SATB2: variants seen among roughly 807,000 people sequenced by gnomAD.
The protein encoded by SATB2 is SATB homeobox 2, also known as DNA-binding protein SATB2.
In SATB2, 1 loss-of-function variant was observed where a neutral mutation model predicts 73.4. The observed-to-expected ratio is 0.01, with a 90% CI of 0.00 to 0.06. The LOEUF is 0.06. SATB2 is among the 10% of genes least tolerant of loss of function. SATB2 has a pLI of 1.00. For missense variants in SATB2, 459 were observed against 945.8 expected, an observed-to-expected ratio of 0.49 and a Z score of 6.75; for synonymous variants, 397 against 367.0, an observed-to-expected ratio of 1.08 and a Z score of -0.93.
Position 199,455,898 on chromosome 2 carries a change from G to A in SATB2, c.140C>T (p.Pro47Leu), listed in dbSNP as rs1692259118. The A allele has an allele frequency of 1.3e-6, 2 of 1,538,042 alleles. No homozygotes were observed. The highest frequency in any genetic ancestry group is 1.2e-5 in the South Asian group (1 of 84,094). ...NGSPMGARGR[P>L]NGAVAKAVGG... The stretch of plus-strand genomic sequence containing the variant: ...CACGGCCTTGGCCACGGCGCCGTTG[G>A]GCCTCCCGCGGGCTCCCATGGGGCT... Residue 47 changes from proline (P) to leucine (L), a missense_variant, in exon 2 of 11, where the codon CCC becomes CTC. Pro to Leu is a moderately conservative substitution (Grantham distance 98). Transcript: ENST00000417098. This position sits in a 1 kb window ranked among gnomAD's most constrained non-coding sequence, Gnocchi z 4.1.
intron 2 of SATB2, among the ~76,000 whole-genome samples, chr2:199,444,835 T>C (rs1574635590): frequency 1.3e-5 from 2 of 152,172 alleles, no homozygotes; most frequent in Non-Finnish European, 2.9e-5. Flanking sequence ...TTCTATAAGT[T>C]CATTTATTTT....
chr2:199,376,448 T>C (rs912120357), intron 5 of SATB2, among the ~76,000 whole-genome samples: 2 of 152,192 alleles, frequency 1.3e-5, no homozygotes, highest in Non-Finnish European at 2.9e-5. Context: ...ATGGGACCTT[T>C]GGCAACATCT....
chr2:199,404,541 A>C (rs1198110896), intron 3 of SATB2, among the ~76,000 whole-genome samples: 4 of 152,202 alleles, frequency 2.6e-5, no homozygotes, highest in Non-Finnish European at 5.9e-5. Context: ...GAGATTATTC[A>C]TTTACCATAT....
chr2:199,321,723 T>C (rs545717916), intron 9 of SATB2, among the ~76,000 whole-genome samples: 2 of 152,148 alleles, frequency 1.3e-5, no homozygotes, highest in African/African-American at 4.8e-5. Context: ...TTTTGTTAAA[T>C]TGCCTTTGAA....
intron 3 of SATB2, among the ~76,000 whole-genome samples, chr2:199,382,794 T>C (rs1689818754): frequency 6.6e-6 from 1 of 152,154 alleles, no homozygotes; most frequent in African/African-American, 2.4e-5. Flanking sequence ...ATGTCAGAAA[T>C]TGCCACACAT....
At chr2:199,294,872 T>G (rs147162590) in intron 10 of SATB2, among the ~76,000 whole-genome samples, 1 of 152,350 alleles carries the variant, frequency 6.6e-6, no homozygotes, top group East Asian at 1.9e-4. Context: ...ATCATAGATT[T>G]TAGCTCCCTA....
chr2:199,408,523 A>G (rs921362540), intron 3 of SATB2, among the ~76,000 whole-genome samples: 3 of 152,148 alleles, frequency 2.0e-5, no homozygotes, highest in Non-Finnish European at 2.9e-5. Context: ...GAGCAACCAG[A>G]TACAAGGGGG....
At chr2:199,284,633 T>C (rs10445789) in intron 10 of SATB2, among the ~76,000 whole-genome samples, 20,797 of 152,148 alleles carry the variant, frequency 0.14, 1,641 homozygotes, top group African/African-American at 0.2. Context: ...TGCAAAAGTA[T>C]ATAAAACATT....
chr2:199,451,228 C>A (rs1692113892), intron 2 of SATB2, among the ~76,000 whole-genome samples: 1 of 151,912 alleles, frequency 6.6e-6, no homozygotes, highest in South Asian at 2.1e-4. Flanking sequence ...AAATTATGCT[C>A]AGGACTTTGA....
intron 7 of SATB2, among the ~76,000 whole-genome samples, chr2:199,334,052 T>C (rs113886771): frequency 6.6e-6 from 1 of 152,138 alleles, no homozygotes; most frequent in African/African-American, 2.4e-5. Flanking sequence ...CATGTACCTT[T>C]TGAAGTAACT....
upstream of SATB2, among the ~76,000 whole-genome samples, chr2:199,466,810 G>A (rs578026111): frequency 6.6e-6 from 1 of 152,316 alleles, no homozygotes; most frequent in East Asian, 1.9e-4. Context: ...TTCTGTCTGT[G>A]TCTCAGTACT....
intron 6 of SATB2, among the ~76,000 whole-genome samples, chr2:199,368,200 T>C (rs1261306502): frequency 6.6e-6 from 1 of 152,112 alleles, no homozygotes; most frequent in Non-Finnish European, 1.5e-5. Flanking sequence ...TTTTCACCAC[T>C]GCTCTGGAAT....
intron 3 of SATB2, chr2:199,396,917 G>C (rs1222612868): frequency 2.6e-5 from 4 of 152,096 alleles, no homozygotes; most frequent in Admixed American, 1.3e-4. Flanking sequence ...ATCTCAGAGG[G>C]AGAGACAGAA....
intron 3 of SATB2, among the ~76,000 whole-genome samples, chr2:199,402,610 T>C (rs1690516892): frequency 6.6e-6 from 1 of 152,170 alleles, no homozygotes. Context: ...TCCTTGGCAT[T>C]AAAAAATCAA....
chr2:199,307,962 G>C (rs563059138), intron 10 of SATB2, among the ~76,000 whole-genome samples: 2 of 152,240 alleles, frequency 1.3e-5, no homozygotes, highest in East Asian at 3.9e-4. Flanking sequence ...GTCCTCTTTG[G>C]TGGCAGCTGA....
At chr2:199,366,140 A>C (rs1689276225) in intron 6 of SATB2, among the ~76,000 whole-genome samples, 1 of 152,068 alleles carries the variant, frequency 6.6e-6, no homozygotes, top group Non-Finnish European at 1.5e-5. Flanking sequence ...GTGCATGTAA[A>C]TTGGTAACTT....
intron 5 of SATB2, among the ~76,000 whole-genome samples, chr2:199,375,354 C>T (rs1411741531): frequency 6.6e-6 from 1 of 152,156 alleles, no homozygotes. Flanking sequence ...GGTGCCAGCA[C>T]TTAAACACAC....
upstream of SATB2, chr2:199,468,763 C>T (rs1692644786): frequency 6.6e-6 from 1 of 152,294 alleles, no homozygotes; most frequent in South Asian, 2.1e-4. Context: ...GCCCTGGAGC[C>T]CCGCCAGCAG....
chr2:199,373,044 G>T (rs1162586673), intron 5 of SATB2, among the ~76,000 whole-genome samples: 2 of 152,180 alleles, frequency 1.3e-5, no homozygotes, highest in African/African-American at 4.8e-5. Flanking sequence ...TTGAACAGCA[G>T]TGTGGTACTA....
Sources: allele counts gnomAD v4.1 joint callset (sites outside exome capture counted in the v4.1 genomes callset), GRCh38; gene constraint gnomAD v4.1.1; non-coding constraint Gnocchi (gnomAD v3.1); transcripts MANE v1.5; gene names NCBI Gene and HGNC (gene_info 2026-07-23, HGNC 2026-07-21).